Variants in TRIO observed in about 807,000 individuals in gnomAD.
TRIO encodes triple functional domain protein.
Under a neutral mutation model 351.9 loss-of-function variants are expected in TRIO, and 58 were observed. That is an observed-to-expected ratio of 0.16 (90% confidence interval 0.13 to 0.21). The LOEUF (loss-of-function observed/expected upper bound fraction) is 0.21, where lower values mean the gene tolerates loss of function less well. Ranked by LOEUF, TRIO falls within the 10% of genes least tolerant of loss-of-function variation. TRIO has a pLI of 1.00. For synonymous variants in TRIO, 1,758 were observed against 1,595.7 expected (o/e 1.10, Z -2.42); for missense variants, 3,201 against 4,027.8 (o/e 0.79, Z 5.56).
chr5:14,178,360 C>T (rs574903415), intron 1 of TRIO, among the ~76,000 whole-genome samples: 4 of 152,292 alleles, frequency 2.6e-5, no homozygotes, highest in Admixed American at 1.3e-4. Flanking sequence ...ATGTGAGAGA[C>T]GTAGGCTGTT....
At position 14,350,922 on chromosome 5, in the gene TRIO, C is replaced by T. The variant is rs919136755; in HGVS notation, c.2047-7256C>T. Among the ~76,000 whole-genome samples the T allele has an allele frequency of 2.0e-5, 3 of 152,074 alleles. No homozygotes were observed. The East Asian group carries it at 5.8e-4, about 29-fold the overall frequency. On this transcript the variant is annotated intron_variant, in intron 11 of 56. Coordinates refer to ENST00000344204, the MANE Select transcript of TRIO (RefSeq NM_007118.4). ...AACTGATCTGCCTCAGATTATCAGGCGTTAGTTAGATTCTCATCCCGTAAG... is the reference window on the plus strand; with the variant it reads ...AACTGATCTGCCTCAGATTATCAGGTGTTAGTTAGATTCTCATCCCGTAAG...
At chr5:14,297,424 G>A in intron 7 of TRIO, 161 bp downstream of exon 7, 2 of 822,720 alleles carry the variant, frequency 2.4e-6, no homozygotes, top group Non-Finnish European at 1.8e-6. Flanking sequence ...AGCTCTTTTA[G>A]TCCTTGCTGC....
At chr5:14,185,653 T>C (rs1050627066) in intron 1 of TRIO, among the ~76,000 whole-genome samples, 4 of 152,110 alleles carry the variant, frequency 2.6e-5, no homozygotes, top group African/African-American at 7.2e-5. Flanking sequence ...GTGAAAATGA[T>C]TGGGAGAAGA....
chr5:14,216,733 A>G (rs929345839), intron 1 of TRIO, among the ~76,000 whole-genome samples: 1 of 152,234 alleles, frequency 6.6e-6, no homozygotes, highest in African/African-American at 2.4e-5. Context: ...GCATGTTTAT[A>G]GTTTAACATG....
intron 1 of TRIO, among the ~76,000 whole-genome samples, chr5:14,235,357 C>T (rs568537675): frequency 8.3e-4 from 126 of 152,184 alleles, no homozygotes; most frequent in African/African-American, 2.9e-3. Context: ...GGGTTGAGTA[C>T]AGTAAATAGC....
chr5:14,267,784 A>C (rs1353027262), intron 1 of TRIO, among the ~76,000 whole-genome samples: 2 of 152,036 alleles, frequency 1.3e-5, no homozygotes, highest in African/African-American at 4.8e-5. Flanking sequence ...TTAAATGGAA[A>C]TGAGATCTAA....
intron 1 of TRIO, among the ~76,000 whole-genome samples, chr5:14,216,809 G>C (rs1792255997): frequency 6.6e-6 from 1 of 152,222 alleles, no homozygotes; most frequent in Non-Finnish European, 1.5e-5. Flanking sequence ...TGTTTTTACT[G>C]TTTTCCATGA....
chr5:14,206,489 C>T (rs1001727739), intron 1 of TRIO, among the ~76,000 whole-genome samples: 24 of 152,198 alleles, frequency 1.6e-4, no homozygotes, highest in African/African-American at 4.6e-4. Flanking sequence ...TCAGATTCTC[C>T]GGATGTTTCT....
At chr5:14,431,055 C>A (rs1037370377) in intron 34 of TRIO, among the ~76,000 whole-genome samples, 1 of 152,232 alleles carries the variant, frequency 6.6e-6, no homozygotes, top group Non-Finnish European at 1.5e-5. Flanking sequence ...CCAAATCTAA[C>A]TTCCTTCCTT....
At chr5:14,459,645 C>T (rs1012056379) in intron 34 of TRIO, among the ~76,000 whole-genome samples, 4 of 152,118 alleles carry the variant, frequency 2.6e-5, no homozygotes, top group Non-Finnish European at 4.4e-5. Context: ...GAGGCTGAGA[C>T]GGGAGACTCT....
intron 1 of TRIO, among the ~76,000 whole-genome samples, chr5:14,261,112 G>A (rs1006954645): frequency 4.6e-5 from 7 of 152,204 alleles, no homozygotes; most frequent in African/African-American, 1.4e-4. Flanking sequence ...CTGGGGTAGA[G>A]GCTACTCATG....
chr5:14,358,905 G>A (rs879457220), intron 12 of TRIO, among the ~76,000 whole-genome samples: 5 of 152,268 alleles, frequency 3.3e-5, no homozygotes, highest in Non-Finnish European at 4.4e-5. Flanking sequence ...TTATCAAATC[G>A]TTGACTGATA....
intron 2 of TRIO, among the ~76,000 whole-genome samples, chr5:14,273,897 A>G (rs1019612359): frequency 1.3e-5 from 2 of 152,164 alleles, no homozygotes; most frequent in Non-Finnish European, 2.9e-5. Context: ...AAAGGAAAGA[A>G]AATAGTATAG....
chr5:14,363,280 G>A (rs1206843317), intron 13 of TRIO, among the ~76,000 whole-genome samples: 1 of 152,150 alleles, frequency 6.6e-6, no homozygotes. Flanking sequence ...GATTATAGGC[G>A]TGAGCCACCA....
chr5:14,417,710 G>C (rs1475614474), intron 33 of TRIO, among the ~76,000 whole-genome samples: 2 of 152,260 alleles, frequency 1.3e-5, no homozygotes, highest in Non-Finnish European at 2.9e-5. Context: ...GGGGAGAGCT[G>C]AGCGTCTGCA....
rs150881358 is a variant in TRIO, at chr5:14,211,007, T to C, written c.158-59818T>C. Among the ~76,000 whole-genome samples, 5 of 152,340 alleles carry C rather than the reference T, an allele frequency of 3.3e-5. No homozygotes were observed. The East Asian group carries it at 9.6e-4, about 29-fold the overall frequency. ...TGAGCCCCTAGATAACTTAGGTCTA[T>C]TTCCTTGACATTTTTGGAAATTGCT... On this transcript the variant is annotated intron_variant, in intron 1 of 56. Transcript: ENST00000344204.
intron 1 of TRIO, among the ~76,000 whole-genome samples, chr5:14,200,980 T>C (rs1297276408): frequency 6.6e-6 from 1 of 152,010 alleles, no homozygotes; most frequent in Non-Finnish European, 1.5e-5. Context: ...CATTCTCGGC[T>C]GGGCGCGGTG....
At chr5:14,181,085 A>G (rs367573266) in intron 1 of TRIO, among the ~76,000 whole-genome samples, 5,135 of 58,526 alleles carry the variant, frequency 0.088, 290 homozygotes, top group African/African-American at 0.27. Context: ...GAATACTACA[A>G]TGTATTTTTT....
In TRIO at chr5:14,388,072, T is replaced by A. The variant is rs30796; in HGVS notation, c.3881+225T>A. 0.36 allele frequency: 193,852 copies of A among 536,012 alleles called. 38,978 individuals are homozygous for A. Among genetic ancestry groups the A allele is most frequent in the African/African-American group, 0.65 (34,585 of 52,934 alleles). 33.2% of individuals were successfully genotyped at this position (536,012 alleles called of 1,614,324 possible). ...TTTTATCCCTGTGCCTGTGTTTCAT[T>A]TGGAGTTGATGAATTGTCATTAATA... On this transcript the variant is annotated intron_variant, in intron 23 of 56. Coordinates refer to ENST00000344204, the MANE Select transcript of TRIO (RefSeq NM_007118.4).
Sources: allele counts gnomAD v4.1 joint callset (sites outside exome capture counted in the v4.1 genomes callset), GRCh38; gene constraint gnomAD v4.1.1; transcripts MANE v1.5; gene names NCBI Gene and HGNC (gene_info 2026-07-23, HGNC 2026-07-21).